Variants in WRN observed in about 807,000 individuals in gnomAD.
WRN encodes the protein WRN RecQ like helicase.
Under a neutral mutation model 180.7 loss-of-function variants are expected in WRN, and 149 were observed. The ratio of observed to expected loss-of-function variants is 0.82; its 90% CI spans 0.72 to 0.94. The LOEUF (loss-of-function observed/expected upper bound fraction) is 0.94, where lower values mean the gene tolerates loss of function less well. Ranked by LOEUF, WRN falls within the 40% of genes least tolerant of loss-of-function variation. The pLI is 0.00. For synonymous variants in WRN, 548 were observed against 568.9 expected (o/e 0.96, Z 0.52); for missense variants, 1,661 against 1,700.1 (o/e 0.98, Z 0.40).
Position 31,081,061 on chromosome 8 carries a change from A to G in WRN, c.1034A>G (p.Glu345Gly). The G allele has an allele frequency of 6.2e-7, 1 of 1,614,074 alleles. No individual in the cohort carries two copies. Among genetic ancestry groups the G allele is most frequent in the South Asian group, 1.1e-5 (1 of 91,086 alleles). The change falls in exon 9 of 35, where the codon GAA becomes GGA. Residue 345 changes from glutamate to glycine, a missense_variant. Physicochemically the swap from Glu to Gly is moderately conservative, Grantham distance 98. Transcript: ENST00000298139. ...GAAGTTTTAATTCACGTTGAAGATGAAACATGGGACCCAACACTTGATCAT... is the reference window on the plus strand; with the variant it reads ...GAAGTTTTAATTCACGTTGAAGATGGAACATGGGACCCAACACTTGATCAT... ...EHEVLIHVED[E>G]TWDPTLDHLA...
chr8:31,165,946 G>T (rs761652230), intron 33 of WRN, among the ~76,000 whole-genome samples: 1 of 151,894 alleles, frequency 6.6e-6, no homozygotes, highest in Non-Finnish European at 1.5e-5. Flanking sequence ...ATGTATAGAG[G>T]TTATCTTTTC....
At chr8:31,152,356 A>T (rs2244765) in intron 31 of WRN, among the ~76,000 whole-genome samples, 148,599 of 151,950 alleles carry the variant, frequency 0.98, 72,762 homozygotes, top group East Asian at 1. Context: ...CTATATGAAC[A>T]TGTATGGCAT....
chr8:31,141,305 T>G (rs1182010647), intron 24 of WRN, 125 bp from the exon 25 acceptor site: 2 of 1,215,058 alleles, frequency 1.6e-6, no homozygotes, highest in Non-Finnish European at 2.3e-6. Context: ...GGGTATAACA[T>G]TTTTGTAGGT....
rs753112277 is a variant in WRN at position 31,080,920 on chromosome 8, T to C, written c.893T>C (p.Met298Thr). Residue 298 changes from methionine to threonine, a missense_variant, in exon 9 of 35, where the codon ATG becomes ACG. Transcript: ENST00000298139. The stretch of plus-strand genomic sequence containing the variant: ...GAAAATCTATATTCACTGAGGAGGA[T>C]GATAATTGGGTCTACTAACATTGAG... ...ISENLYSLRR[M>T]IIGSTNIETE... The C allele has an allele frequency of 6.2e-7, 1 of 1,612,928 alleles. No homozygotes were observed. The highest frequency in any genetic ancestry group is 8.5e-7 in the Non-Finnish European group (1 of 1,179,684).
At position 31,175,368 on chromosome 8, in the gene WRN, G is replaced by A. The variant is rs1804246555; in HGVS notation, c.*2266G>A. On this transcript the variant is annotated 3_prime_UTR_variant, in exon 35 of 35. Coordinates refer to ENST00000298139, the MANE Select transcript of WRN (RefSeq NM_000553.6). ...GAGAATCGCTTGAACTCAGGAGGCG[G>A]AGATTGCAGTGAGCTGAGACTGCGC... Among the ~76,000 whole-genome samples the A allele has an allele frequency of 6.6e-6, 1 of 152,158 alleles. No individual in the cohort carries two copies.
Position 31,175,349 on chromosome 8 carries a change from C to T in WRN, c.*2247C>T, listed in dbSNP as rs1427328999. Reference sequence around the variant, plus strand: ...ACTCGGGAGGCTGAGGCAGGAGAATCGCTTGAACTCAGGAGGCGGAGATTG... The same window carrying T: ...ACTCGGGAGGCTGAGGCAGGAGAATTGCTTGAACTCAGGAGGCGGAGATTG... On this transcript the variant is annotated 3_prime_UTR_variant, in exon 35 of 35. Coordinates refer to ENST00000298139, the MANE Select transcript of WRN (RefSeq NM_000553.6). 1.3e-5 allele frequency among the ~76,000 whole-genome samples: 2 copies of T among 152,072 alleles called. No homozygotes were observed. Among genetic ancestry groups the T allele is most frequent in the African/African-American group, 2.4e-5 (1 of 41,396 alleles).
At chr8:31,160,985 C>T (rs1310465394) in intron 33 of WRN, among the ~76,000 whole-genome samples, 2 of 99,722 alleles carry the variant, frequency 2.0e-5, no homozygotes, top group African/African-American at 7.5e-5. Context: ...GAGACTCTGT[C>T]TCAAAAAAAA....
intron 7 of WRN, among the ~76,000 whole-genome samples, chr8:31,074,258 A>G (rs1184351827): frequency 2.0e-5 from 3 of 152,062 alleles, no homozygotes; most frequent in African/African-American, 4.8e-5. Flanking sequence ...GCTTTGCTCT[A>G]CTGATTTGGG....
chr8:31,133,922 T>C (rs1202716498), intron 24 of WRN, among the ~76,000 whole-genome samples: 1 of 152,190 alleles, frequency 6.6e-6, no homozygotes, highest in African/African-American at 2.4e-5. Context: ...TAAGTCTAAG[T>C]AGGCTCCTTG....
intron 1 of WRN, among the ~76,000 whole-genome samples, chr8:31,048,479 T>TGTA (rs1376025750): frequency 6.6e-6 from 1 of 152,194 alleles, no homozygotes; most frequent in East Asian, 1.9e-4. Context: ...AACTATAGAT[T>TGTA]GTATATATGT....
intron 27 of WRN, 44 bp from the exon 28 acceptor site, chr8:31,143,506 T>G: frequency 7.2e-7 from 1 of 1,389,058 alleles, no homozygotes; most frequent in Non-Finnish European, 1.0e-6. Flanking sequence ...ATTTAAAAGT[T>G]TTTTGAAACT....
At chr8:31,090,360 G>C in intron 13 of WRN, 105 bp from the exon 14 acceptor site, 1 of 1,144,202 alleles carries the variant, frequency 8.7e-7, no homozygotes, top group Non-Finnish European at 1.3e-6. Flanking sequence ...TATGAAGTTT[G>C]AAAATAAATT....
chr8:31,106,412 G>A (rs1244208824), intron 18 of WRN, among the ~76,000 whole-genome samples: 1 of 151,992 alleles, frequency 6.6e-6, no homozygotes, highest in Non-Finnish European at 1.5e-5. Flanking sequence ...TCCTTATGAT[G>A]AGTTACCGAT....
rs11574262 is a variant in WRN at position 31,096,652 on chromosome 8, T to C, written c.1899-116T>C. On this transcript the variant is annotated intron_variant, in intron 16 of 34. Transcript: ENST00000298139. ...GTGACATAAAGTATTATTTAAACTT[T>C]CATAAGGTATCTTGATTTTAAGTTG... The C allele has an allele frequency of 8.0e-5, 66 of 826,250 alleles. No homozygotes were observed. The East Asian group carries it at 1.6e-3, about 20-fold the overall frequency. The allele number at this position is 826,250 out of a possible 1,614,324, so 51.2% of individuals were successfully genotyped here. A position where few individuals can be genotyped will look rare whatever the true frequency, so the allele number is the denominator to read the frequency against.
chr8:31,074,820 G>A (rs1474838521), intron 7 of WRN, among the ~76,000 whole-genome samples: 1 of 152,126 alleles, frequency 6.6e-6, no homozygotes, highest in African/African-American at 2.4e-5. Context: ...GGCTCAGTGG[G>A]CAGTGGGAGT....
chr8:31,167,204 A>G lies in WRN; in HGVS notation c.4165A>G (p.Lys1389Glu), dbSNP rs587778751. Residue 1389 changes from lysine (K) to glutamate (E), a missense_variant, in exon 34 of 35, where the codon AAG becomes GAG. Physicochemically the swap from Lys to Glu is moderately conservative, Grantham distance 56. Around this residue, in one of 3 missense-constraint regions of WRN, gnomAD observed 1,141 missense variants for 1,149.4 expected, o/e 0.99. Coordinates refer to ENST00000298139, the MANE Select transcript of WRN (RefSeq NM_000553.6). ...EEICSSSKRS[K>E]EEVGINTETS... ...GATCTGTTCAAGTTCTAAGAGAAGC[A>G]AGGAAGAAGTAGGCATCAATACTGA... is the stretch of plus-strand genomic sequence containing the variant. The G allele has an allele frequency of 3.2e-5, 51 of 1,613,068 alleles. No homozygotes were observed. Among genetic ancestry groups the G allele is most frequent in the Non-Finnish European group, 4.2e-5 (50 of 1,179,386 alleles).
At chr8:31,054,103 G>A (rs1229036961) in intron 1 of WRN, among the ~76,000 whole-genome samples, 1 of 152,132 alleles carries the variant, frequency 6.6e-6, no homozygotes, top group Admixed American at 6.5e-5. Flanking sequence ...TTTTGTAGTG[G>A]TTGCTATGTA....
At chr8:31,110,876 G>C (rs11574282) in intron 18 of WRN, among the ~76,000 whole-genome samples, 51,076 of 151,972 alleles carry the variant, frequency 0.34, 8,978 homozygotes, top group South Asian at 0.43. Flanking sequence ...ATAAAAACAC[G>C]AGTTCTAGTT....
intron 1 of WRN, among the ~76,000 whole-genome samples, chr8:31,051,691 A>T (rs1585394666): frequency 1.3e-5 from 2 of 152,372 alleles, no homozygotes; most frequent in South Asian, 2.1e-4. Context: ...CAACTAACTT[A>T]TCAAAAAGCC....
Sources: gnomAD v4.1 joint callset for allele counts (sites outside exome capture counted in the v4.1 genomes callset) on GRCh38, gnomAD v4.1.1 for gene constraint, gnomAD v4.1.1 regional missense constraint, MANE v1.5 for transcripts, NCBI Gene and HGNC (gene_info 2026-07-23, HGNC 2026-07-21) for gene names.